MAN1C1: variants seen among roughly 807,000 people sequenced by gnomAD.
The protein encoded by MAN1C1 is mannosyl-oligosaccharide 1,2-alpha-mannosidase IC.
Under a neutral mutation model 71.5 loss-of-function variants are expected in MAN1C1, and 49 were observed. The ratio of observed to expected loss-of-function variants is 0.69; its 90% CI spans 0.54 to 0.87. The LOEUF (loss-of-function observed/expected upper bound fraction) is 0.87, where lower values mean the gene tolerates loss of function less well. MAN1C1 is among the 40% of genes least tolerant of loss of function. MAN1C1 has a pLI of 0.00. For missense variants in MAN1C1, 743 were observed against 835.0 expected (o/e 0.89, Z 1.36); for synonymous variants, 352 against 343.7 (o/e 1.02, Z -0.27).
rs1467126820 is a variant in MAN1C1 at position 25,679,951 on chromosome 1, ATAT to A, written c.541-6488_541-6486del. Among the ~76,000 whole-genome samples, 459 of 112,816 alleles carry A rather than the reference ATAT, an allele frequency of 4.1e-3. 9 individuals carry two copies. The highest frequency in any genetic ancestry group is 0.017 in the African/African-American group (406 of 24,426). The allele number at this position is 112,816 out of a possible 152,430, so 74.0% of individuals were successfully genotyped here. On this transcript the variant is annotated intron_variant, in intron 1 of 11. Coordinates refer to ENST00000374332, the MANE Select transcript of MAN1C1 (RefSeq NM_020379.4). The stretch of plus-strand genomic sequence containing the variant: ...GACCTCTGTCTCAAAAAAAAAAAAA[ATAT>A]ATATATATATATATATATATATATA...
Position 25,764,284 on chromosome 1 carries a change from C to T in MAN1C1, c.1141+317C>T, listed in dbSNP as rs2047399865. On this transcript the variant is annotated intron_variant, in intron 7 of 11. Transcript: ENST00000374332. The surrounding 1 kb of genome is among the most constrained non-coding windows in gnomAD (Gnocchi z 4.4). Reference sequence around the variant, plus strand: ...TCTCTTATGCTGCTGCGGGAGCCTCCTGCATTATACCCCAGGTTCTCGGGA... The same window carrying T: ...TCTCTTATGCTGCTGCGGGAGCCTCTTGCATTATACCCCAGGTTCTCGGGA... Among the ~76,000 whole-genome samples the T allele has an allele frequency of 6.6e-6, 1 of 152,176 alleles. No homozygotes were observed. Among genetic ancestry groups the T allele is most frequent in the Admixed American group, 6.5e-5 (1 of 15,282 alleles).
chr1:25,765,912 A>G (rs2047420813), intron 7 of MAN1C1, among the ~76,000 whole-genome samples: 1 of 152,376 alleles, frequency 6.6e-6, no homozygotes, highest in East Asian at 1.9e-4. Context: ...CGAATCCAAA[A>G]GTACGGGGAG....
At position 25,778,167 on chromosome 1, in the gene MAN1C1, A is replaced by AG; in HGVS notation, c.1326dup (p.Ile443AspfsTer57). 3.1e-6 allele frequency: 5 copies of AG among 1,609,080 alleles called. No individual in the cohort carries two copies. Among genetic ancestry groups the AG allele is most frequent in the Non-Finnish European group, 3.4e-6 (4 of 1,176,922 alleles). On this transcript the variant is annotated frameshift_variant, in exon 9 of 12. Coordinates refer to ENST00000374332, the MANE Select transcript of MAN1C1 (RefSeq NM_020379.4). LOFTEE classifies it high-confidence loss of function. The surrounding 1 kb of genome is among the most constrained non-coding windows in gnomAD (Gnocchi z 5.5). Reference sequence around the variant, plus strand: ...GGCTGACCTACATTGCCGAGTGGCGAGGGGGGATTCTGGACCACAAGATGG... The same window carrying AG: ...GGCTGACCTACATTGCCGAGTGGCGAGGGGGGGATTCTGGACCACAAGATGG...
intron 1 of MAN1C1, among the ~76,000 whole-genome samples, chr1:25,662,247 A>G (rs2045859719): frequency 6.6e-6 from 1 of 152,194 alleles, no homozygotes. Flanking sequence ...AACCTTGTTG[A>G]ATAAGCAAAT....
At chr1:25,650,412 A>G (rs1328285174) in intron 1 of MAN1C1, among the ~76,000 whole-genome samples, 2 of 152,168 alleles carry the variant, frequency 1.3e-5, no homozygotes, top group Non-Finnish European at 2.9e-5. Flanking sequence ...TACAGTGTCC[A>G]GTGTTTGCTC....
chr1:25,780,614 C>T (rs986862237), intron 9 of MAN1C1: 2 of 224,636 alleles, frequency 8.9e-6, no homozygotes, highest in Non-Finnish European at 8.8e-6. Context: ...TCTTGCAGAG[C>T]TATTGCCTCA....
intron 2 of MAN1C1, among the ~76,000 whole-genome samples, chr1:25,697,604 A>G (rs1186379527): frequency 6.6e-6 from 1 of 152,202 alleles, no homozygotes; most frequent in African/African-American, 2.4e-5. Context: ...GTAGCTCTAC[A>G]TGTAACTTTT....
rs1425386353 is a variant in MAN1C1, at chr1:25,780,940, A to G, written c.1478A>G (p.Asp493Gly). 1 of 1,613,672 alleles carries G rather than the reference A, an allele frequency of 6.2e-7. No homozygotes were observed. Among genetic ancestry groups the G allele is most frequent in the Admixed American group, 1.7e-5 (1 of 60,006 alleles). The change falls in exon 10 of 12, where the codon GAC (aspartate) becomes GGC (glycine). Residue 493 changes from aspartate (D) to glycine (G), a missense_variant and splice_region_variant. Coordinates refer to ENST00000374332, the MANE Select transcript of MAN1C1 (RefSeq NM_020379.4). ...GCCCTCTGCTTGGCTGTTTCCCCAG[A>G]CACCAAACTTGGGCCTGAGGCCTTC... Reference protein sequence around the residue: ...KTCHESYARSDTKLGPEAFWF... With the variant: ...KTCHESYARSGTKLGPEAFWF...
Position 25,675,594 on chromosome 1 carries a change from G to C in MAN1C1, c.541-10846G>C, listed in dbSNP as rs576266333. Among the ~76,000 whole-genome samples the C allele has an allele frequency of 1.9e-4, 27 of 143,716 alleles. 1 individual carries two copies. Among genetic ancestry groups the C allele is most frequent in the African/African-American group, 6.1e-4 (24 of 39,650 alleles). 94.3% of individuals were successfully genotyped at this position (143,716 alleles called of 152,430 possible). ...TAATGACTTATTTTGCGGGGGGGGG[G>C]GGAGGTGGTTACCCAGTGTGGGATT... On this transcript the variant is annotated intron_variant, in intron 1 of 11. Transcript: ENST00000374332.
intron 2 of MAN1C1, among the ~76,000 whole-genome samples, chr1:25,740,254 G>T (rs1401099433): frequency 6.6e-6 from 1 of 152,140 alleles, no homozygotes. Flanking sequence ...CCGAAGTGGA[G>T]GCTGAAGGGA....
At chr1:25,752,457 G>A (rs969315859) in intron 4 of MAN1C1, among the ~76,000 whole-genome samples, 12 of 152,280 alleles carry the variant, frequency 7.9e-5, no homozygotes, top group Middle Eastern at 3.4e-3. Flanking sequence ...ATGAGCCACC[G>A]TGCCTGGCCC....
At chr1:25,765,478 G>A (rs1259672693) in intron 7 of MAN1C1, among the ~76,000 whole-genome samples, 1 of 152,164 alleles carries the variant, frequency 6.6e-6, no homozygotes, top group Non-Finnish European at 1.5e-5. Context: ...CAGTTTTTGT[G>A]ACATCAGCAA....
chr1:25,738,055 G>A (rs1039112306), intron 2 of MAN1C1, among the ~76,000 whole-genome samples: 2 of 152,090 alleles, frequency 1.3e-5, no homozygotes, highest in South Asian at 2.1e-4. Context: ...TAAACAGGGC[G>A]GTGATGTGAT....
intron 2 of MAN1C1, among the ~76,000 whole-genome samples, chr1:25,727,029 C>G (rs2124290730): frequency 6.6e-6 from 1 of 151,992 alleles, no homozygotes; most frequent in South Asian, 2.1e-4. Context: ...TGCATTCCAG[C>G]TTGGTTGACA....
intron 2 of MAN1C1, among the ~76,000 whole-genome samples, chr1:25,699,484 C>T (rs1035034721): frequency 6.6e-6 from 1 of 152,004 alleles, no homozygotes; most frequent in African/African-American, 2.4e-5. Flanking sequence ...GTGAGTGGTG[C>T]TGGCATATAA....
At chr1:25,623,129 G>C (rs763881135) in intron 1 of MAN1C1, among the ~76,000 whole-genome samples, 8 of 152,146 alleles carry the variant, frequency 5.3e-5, no homozygotes, top group Non-Finnish European at 1.2e-4. Context: ...CATAGGTGGA[G>C]ACTGGCCTGT....
At chr1:25,712,993 A>G (rs978367537) in intron 2 of MAN1C1, among the ~76,000 whole-genome samples, 1 of 152,234 alleles carries the variant, frequency 6.6e-6, no homozygotes, top group African/African-American at 2.4e-5. Flanking sequence ...AGGATCATCT[A>G]TGCAGTTGTC....
chr1:25,752,593 TA>T (rs1414092291), intron 4 of MAN1C1, among the ~76,000 whole-genome samples: 4 of 152,228 alleles, frequency 2.6e-5, no homozygotes, highest in Non-Finnish European at 5.9e-5. Flanking sequence ...CTGGAATAAA[TA>T]AGTCTTTACA....
chr1:25,672,450 T>C (rs1483061295), intron 1 of MAN1C1, among the ~76,000 whole-genome samples: 2 of 152,182 alleles, frequency 1.3e-5, no homozygotes, highest in African/African-American at 4.8e-5. Flanking sequence ...CCATGAACCA[T>C]CACAGGGAGA....
Sources: allele counts gnomAD v4.1 joint callset (sites outside exome capture counted in the v4.1 genomes callset), GRCh38; gene constraint gnomAD v4.1.1; non-coding constraint Gnocchi (gnomAD v3.1); transcripts MANE v1.5; gene names NCBI Gene and HGNC (gene_info 2026-07-23, HGNC 2026-07-21).